The following NDUFS4 variants were observed in gnomAD, a reference collection of about 807,000 sequenced individuals.
NDUFS4 encodes the protein NADH:ubiquinone oxidoreductase subunit S4, also known as NADH dehydrogenase [ubiquinone] iron-sulfur protein 4, mitochondrial.
In NDUFS4, 28 loss-of-function variants were observed where a neutral mutation model predicts 24.3. The ratio of observed to expected loss-of-function variants is 1.15; its 90% CI spans 0.85 to 1.58. NDUFS4 has a LOEUF of 1.58. Among genes scored for constraint, NDUFS4 ranks in the 40% most tolerant of loss-of-function variants. The pLI is 0.00. For missense variants in NDUFS4, 223 were observed against 207.9 expected (o/e 1.07, Z -0.45); for synonymous variants, 93 against 69.7 (o/e 1.34, Z -1.67).
intron 4 of NDUFS4, among the ~76,000 whole-genome samples, chr5:53,660,609 C>A (rs1752306505): frequency 6.6e-6 from 1 of 152,086 alleles, no homozygotes; most frequent in Non-Finnish European, 1.5e-5. Context: ...AGTTTGCAGT[C>A]CCACCGACAG....
chr5:53,657,408 A>G (rs1349842155), intron 3 of NDUFS4, among the ~76,000 whole-genome samples: 1 of 152,170 alleles, frequency 6.6e-6, no homozygotes, highest in Non-Finnish European at 1.5e-5. Context: ...TGACCAGAAC[A>G]TTGGCAGCAG....
intron 3 of NDUFS4, among the ~76,000 whole-genome samples, chr5:53,658,335 G>T (rs1002651089): frequency 6.6e-6 from 1 of 151,950 alleles, no homozygotes; most frequent in Non-Finnish European, 1.5e-5. Flanking sequence ...TTGCAATTAT[G>T]AATTTTATTA....
In NDUFS4 at chr5:53,606,478, T is replaced by C. The variant is rs535886420; in HGVS notation, c.177+2948T>C. On this transcript the variant is annotated intron_variant, in intron 2 of 4. Coordinates refer to ENST00000296684, the MANE Select transcript of NDUFS4 (RefSeq NM_002495.4). ...CGCCTCCCAGTTCAAGTGATTCTTA[T>C]GCCTCAGCCTCCCGAGTACCTAGGA... 2.0e-3 allele frequency among the ~76,000 whole-genome samples: 311 copies of C among 152,178 alleles called. 2 individuals carry two copies. Among genetic ancestry groups the C allele is most frequent in the African/African-American group, 6.9e-3 (288 of 41,542 alleles).
chr5:53,614,660 A>G lies in NDUFS4; in HGVS notation c.177+11130A>G, dbSNP rs192061568. On this transcript the variant is annotated intron_variant, in intron 2 of 4. Transcript: ENST00000296684. ...TAGCCACAACATCTTTAATGCATAG[A>G]CCTGTAGTATGCTAGTGCTGTATAA... 3.3e-5 allele frequency among the ~76,000 whole-genome samples: 5 copies of G among 152,066 alleles called. No homozygotes were observed. In the East Asian group the frequency reaches 9.6e-4, roughly 29 times the overall value.
At chr5:53,600,251 G>A (rs556612215) in intron 1 of NDUFS4, among the ~76,000 whole-genome samples, 2 of 151,782 alleles carry the variant, frequency 1.3e-5, no homozygotes, top group East Asian at 2.0e-4. Flanking sequence ...CGCCATCCTC[G>A]GCCTCCCAAA....
At chr5:53,640,632 A>G (rs1751682962) in intron 2 of NDUFS4, among the ~76,000 whole-genome samples, 1 of 152,118 alleles carries the variant, frequency 6.6e-6, no homozygotes, top group African/African-American at 2.4e-5. Flanking sequence ...TGCAGAAACT[A>G]ATAGAGCAAG....
intron 2 of NDUFS4, among the ~76,000 whole-genome samples, chr5:53,608,751 T>C (rs548671915): frequency 6.6e-6 from 1 of 152,356 alleles, no homozygotes; most frequent in South Asian, 2.1e-4. Flanking sequence ...TTCATGAGGG[T>C]TGGATTCAAC....
chr5:53,584,593 G>C (rs1038873603), intron 1 of NDUFS4, among the ~76,000 whole-genome samples: 3 of 151,958 alleles, frequency 2.0e-5, no homozygotes, highest in Admixed American at 2.0e-4. Flanking sequence ...ACCTGCCTCT[G>C]CCTCCCAAAG....
At chr5:53,631,550 G>A (rs1004575190) in intron 2 of NDUFS4, among the ~76,000 whole-genome samples, 5 of 152,162 alleles carry the variant, frequency 3.3e-5, no homozygotes, top group African/African-American at 1.2e-4. Flanking sequence ...TCCCTGACTG[G>A]GGCTGCTTGC....
chr5:53,683,053 C>A (rs1302753661), intron 4 of NDUFS4, 65 bp from the exon 5 acceptor site: 1 of 1,043,096 alleles, frequency 9.6e-7, no homozygotes, highest in Non-Finnish European at 1.5e-6. Context: ...CCTCTGCTTG[C>A]TGTGCTTTTC....
intron 2 of NDUFS4, among the ~76,000 whole-genome samples, chr5:53,623,960 G>T (rs1468079794): frequency 6.6e-6 from 1 of 152,038 alleles, no homozygotes; most frequent in Non-Finnish European, 1.5e-5. Flanking sequence ...CTCATGATCT[G>T]CCTGCCTCAG....
chr5:53,604,309 G>A (rs980219333), intron 2 of NDUFS4, among the ~76,000 whole-genome samples: 2 of 152,096 alleles, frequency 1.3e-5, no homozygotes, highest in Admixed American at 6.5e-5. Flanking sequence ...TCAACTTTGA[G>A]CCTGTAAGCC....
intron 3 of NDUFS4, among the ~76,000 whole-genome samples, chr5:53,651,031 G>T (rs563401146): frequency 2.0e-5 from 3 of 152,058 alleles, no homozygotes; most frequent in Admixed American, 2.0e-4. Context: ...TTTTCAAAAC[G>T]TAGTTTTGCC....
rs986864858 is a variant in NDUFS4 at position 53,658,473 on chromosome 5, C to T, written c.351-78C>T. ...ATGTACTTATTTGATTTTATAGTAGCTGTTTATTTTAAATATTGATTTTGT... is the reference window on the plus strand; with the variant it reads ...ATGTACTTATTTGATTTTATAGTAGTTGTTTATTTTAAATATTGATTTTGT... On this transcript the variant is annotated intron_variant, in intron 3 of 4. Transcript: ENST00000296684. 2.9e-5 allele frequency: 27 copies of T among 921,594 alleles called. No homozygotes were observed. The African/African-American group carries it at 3.8e-4, about 13-fold the overall frequency. 57.1% of individuals were successfully genotyped at this position (921,594 alleles called of 1,614,324 possible).
intron 1 of NDUFS4, among the ~76,000 whole-genome samples, chr5:53,600,161 A>C (rs1750266017): frequency 6.6e-6 from 1 of 151,790 alleles, no homozygotes; most frequent in Admixed American, 6.6e-5. Flanking sequence ...CACCACGCCC[A>C]GCTAATTTTG....
At chr5:53,676,875 C>G (rs1390183765) in intron 4 of NDUFS4, among the ~76,000 whole-genome samples, 1 of 152,004 alleles carries the variant, frequency 6.6e-6, no homozygotes, top group African/African-American at 2.4e-5. Flanking sequence ...CTTTTTCCTC[C>G]CAATGTTTAA....
At chr5:53,604,066 AATC>A (rs1250492388) in intron 2 of NDUFS4, among the ~76,000 whole-genome samples, 9 of 152,206 alleles carry the variant, frequency 5.9e-5, no homozygotes, top group Non-Finnish European at 1.0e-4. Context: ...ATGTTTTGTG[AATC>A]AGTAACAAAC....
chr5:53,638,167 T>G (rs893512697), intron 2 of NDUFS4, among the ~76,000 whole-genome samples: 1 of 152,208 alleles, frequency 6.6e-6, no homozygotes, highest in Admixed American at 6.6e-5. Flanking sequence ...AATATACTCA[T>G]AGATAATAAT....
At chr5:53,601,035 T>G (rs1463936501) in intron 1 of NDUFS4, among the ~76,000 whole-genome samples, 1 of 149,324 alleles carries the variant, frequency 6.7e-6, no homozygotes, top group Non-Finnish European at 1.5e-5. Flanking sequence ...GACGGAGTCT[T>G]GCTCTGTCGC....
Sources: gnomAD v4.1 joint callset for allele counts (sites outside exome capture counted in the v4.1 genomes callset) on GRCh38, gnomAD v4.1.1 for gene constraint, MANE v1.5 for transcripts, NCBI Gene and HGNC (gene_info 2026-07-23, HGNC 2026-07-21) for gene names.